ABCA1: variants seen among roughly 807,000 people sequenced by gnomAD.
ABCA1 encodes ATP binding cassette subfamily A member 1.
Under a neutral mutation model 262.5 loss-of-function variants are expected in ABCA1, and 133 were observed. The ratio of observed to expected loss-of-function variants is 0.51; its 90% confidence interval spans 0.44 to 0.59. The LOEUF is 0.59. Ranked by LOEUF, ABCA1 falls within the 20% of genes least tolerant of loss-of-function variation. The pLI, the probability that ABCA1 is intolerant of heterozygous loss-of-function variation, is 0.00. For missense variants in ABCA1, 2,452 were observed against 2,777.5 expected (o/e 0.88, Z 2.63); for synonymous variants, 1,022 against 1,043.5 (o/e 0.98, Z 0.40).
In ABCA1 at chr9:104,798,453, T is replaced by C. The variant is rs756605282; in HGVS notation, c.5089A>G (p.Ile1697Val). ...CAGACAAAATTAGAGAGCCAGTAGA[T>C]GACAGGCTTCACTCCACTGATGAAC... is the stretch of plus-strand genomic sequence containing the variant. ...LQFISGVKPV[I>V]YWLSNFVWDM... Residue 1697 changes from isoleucine (I) to valine (V), a missense_variant, in exon 37 of 50, where the codon ATC becomes GTC. This residue lies in a region of ABCA1 where 752 missense variants were observed against 944.5 expected (regional missense o/e 0.80). Coordinates refer to ENST00000374736, the MANE Select transcript of ABCA1 (RefSeq NM_005502.4). 1.4e-5 allele frequency: 22 copies of C among 1,614,226 alleles called. No homozygotes were observed. Among genetic ancestry groups the C allele is most frequent in the Non-Finnish European group, 1.9e-5 (22 of 1,180,040 alleles).
intron 5 of ABCA1, among the ~76,000 whole-genome samples, chr9:104,875,226 C>T (rs557708933): frequency 1.3e-5 from 2 of 151,250 alleles, no homozygotes; most frequent in South Asian, 4.3e-4. Flanking sequence ...GCCTGTAATC[C>T]CAGCTTCTCA....
At chr9:104,858,173 A>C (rs962564631) in intron 7 of ABCA1, among the ~76,000 whole-genome samples, 2 of 152,094 alleles carry the variant, frequency 1.3e-5, no homozygotes, top group African/African-American at 4.8e-5. Context: ...AATGGTTTCA[A>C]GACTTTTTTT....
chr9:104,883,121 A>G lies in ABCA1; in HGVS notation c.339T>C (p.Leu113=), dbSNP rs1838833893. The G allele has an allele frequency of 6.2e-7, 1 of 1,613,636 alleles. No individual in the cohort carries two copies. Among genetic ancestry groups the G allele is most frequent in the South Asian group, 1.1e-5 (1 of 91,086 alleles). ...TGCTGGTGTCTTTCTGGCTGTATAA[A>G]AGAAGCCTCCGAGCATCTGAGAACA... is the stretch of plus-strand genomic sequence containing the variant. The part of the protein sequence containing the change: ...ARLFSDARRL[L]LYSQKDTSMK... Residue 113 remains leucine (L), a synonymous_variant, in exon 5 of 50, where the codon CTT becomes CTC. Coordinates refer to ENST00000374736, the MANE Select transcript of ABCA1 (RefSeq NM_005502.4).
intron 1 of ABCA1, among the ~76,000 whole-genome samples, chr9:104,906,841 T>A (rs1841182481): frequency 6.6e-6 from 1 of 151,058 alleles, no homozygotes; most frequent in African/African-American, 2.4e-5. Flanking sequence ...TCTGCCCTCA[T>A]ACACATTTCC....
intron 42 of ABCA1, 52 bp downstream of exon 42, chr9:104,792,734 C>T (rs1829534141): frequency 6.2e-7 from 1 of 1,613,430 alleles, no homozygotes; most frequent in Non-Finnish European, 8.5e-7. Flanking sequence ...GGTTACAGCA[C>T]ATAAAGCTGA....
intron 5 of ABCA1, among the ~76,000 whole-genome samples, chr9:104,871,067 G>C (rs1564214959): frequency 6.6e-6 from 1 of 152,214 alleles, no homozygotes; most frequent in Non-Finnish European, 1.5e-5. Context: ...CAGGGGATGC[G>C]ATGGCTTGGC....
chr9:104,807,863 C>G, intron 30 of ABCA1, among the ~76,000 whole-genome samples: 1 of 145,732 alleles, frequency 6.9e-6, no homozygotes, highest in Non-Finnish European at 1.5e-5. Context: ...CACACACACA[C>G]ACACACACAC....
intron 7 of ABCA1, among the ~76,000 whole-genome samples, chr9:104,850,062 T>G (rs1835240790): frequency 6.6e-6 from 1 of 152,222 alleles, no homozygotes; most frequent in South Asian, 2.1e-4. Flanking sequence ...TTTTATTTCT[T>G]AAATAGAACC....
chr9:104,832,637 G>A lies in ABCA1; in HGVS notation c.1446C>T (p.Tyr482=), dbSNP rs760085414. Reference sequence around the variant, plus strand: ...TCTCGTTGAAAGCTTCTCTCCAGGTGTACACAGAACCATTACTGGACTGGA... The same window carrying A: ...TCTCGTTGAAAGCTTCTCTCCAGGTATACACAGAACCATTACTGGACTGGA... ...EDVQSSNGSV[Y]TWREAFNETN... The change falls in exon 12 of 50, where the codon TAC becomes TAT. Residue 482 remains tyrosine (Y), a synonymous_variant. Transcript: ENST00000374736. 2 of 1,614,166 alleles carry A rather than the reference G, an allele frequency of 1.2e-6. No homozygotes were observed. The highest frequency in any genetic ancestry group is 1.7e-6 in the Non-Finnish European group (2 of 1,180,038).
rs1244270937 is a variant in ABCA1 at position 104,837,112 on chromosome 9, G to A, written c.1195-16C>T. 2 of 1,589,194 alleles carry A rather than the reference G, an allele frequency of 1.3e-6. No homozygotes were observed. Among genetic ancestry groups the A allele is most frequent in the Non-Finnish European group, 1.7e-6 (2 of 1,160,334 alleles). On this transcript the variant is annotated splice_polypyrimidine_tract_variant and intron_variant, in intron 10 of 49. Coordinates refer to ENST00000374736, the MANE Select transcript of ABCA1 (RefSeq NM_005502.4). ...TCTTGTTCACCTGGAGTCAGGTGGGGAGCCAGGGACCGCAGAAAAAGGAGG... is the reference window on the plus strand; with the variant it reads ...TCTTGTTCACCTGGAGTCAGGTGGGAAGCCAGGGACCGCAGAAAAAGGAGG...
Position 104,819,976 on chromosome 9 carries a change from A to G in ABCA1, c.3054T>C (p.Asp1018=), listed in dbSNP as rs148278338. The change falls in exon 21 of 50, where the codon GAT becomes GAC. Residue 1018 remains aspartate (D), a synonymous_variant. Transcript: ENST00000374736. ...TCAGCTTGCTTGATGGCAAACCAAC[A>G]TCCAGGGCCATCTGCTCCATCTCCG... ...VKAEMEQMAL[D]VGLPSSKLKS... 53 of 1,614,072 alleles carry G rather than the reference A, an allele frequency of 3.3e-5. No homozygotes were observed. The highest frequency in any genetic ancestry group is 9.3e-6 in the Non-Finnish European group (11 of 1,180,024).
chr9:104,828,879 G>A (rs374623664), intron 15 of ABCA1, 37 bp downstream of exon 15: 7 of 1,607,278 alleles, frequency 4.4e-6, no homozygotes, highest in East Asian at 2.2e-5. Context: ...CTATTTCGGA[G>A]TTTCCTGGCA....
Position 104,816,360 on chromosome 9 carries a change from A to G in ABCA1, c.3536-15T>C. On this transcript the variant is annotated splice_polypyrimidine_tract_variant and intron_variant, in intron 24 of 49. Coordinates refer to ENST00000374736, the MANE Select transcript of ABCA1 (RefSeq NM_005502.4). ...AGCAGAGACATCTGCAGGGACCAGA[A>G]TGCAAAGATGGCTCAATCAACTCAG... 1 of 1,612,376 alleles carries G rather than the reference A, an allele frequency of 6.2e-7. No individual in the cohort carries two copies.
intron 5 of ABCA1, among the ~76,000 whole-genome samples, chr9:104,866,281 A>T (rs1826411461): frequency 1.3e-5 from 2 of 152,262 alleles, no homozygotes; most frequent in African/African-American, 2.4e-5. Flanking sequence ...GTGGCTTTGT[A>T]TCTGCTGGTC....
At position 104,788,003 on chromosome 9, in the gene ABCA1, ATT is replaced by A; in HGVS notation, c.6119_6120del (p.Lys2040IlefsTer4). 1 of 1,614,048 alleles carries A rather than the reference ATT, an allele frequency of 6.2e-7. No individual in the cohort carries two copies. The highest frequency in any genetic ancestry group is 2.2e-5 in the East Asian group (1 of 44,866). ...RKLGLVKYGE[K>X]YAGNYSGGNK... ...TTGCCTCCACTATAGTTACCAGCAT[ATT>A]TTTCTCCATACTTCACGAGGCCCAG... On this transcript the variant is annotated frameshift_variant, in exon 46 of 50. Coordinates refer to ENST00000374736, the MANE Select transcript of ABCA1 (RefSeq NM_005502.4). LOFTEE classifies it high-confidence loss of function.
intron 7 of ABCA1, among the ~76,000 whole-genome samples, chr9:104,849,475 A>G (rs1835191354): frequency 6.6e-6 from 1 of 152,246 alleles, no homozygotes; most frequent in African/African-American, 2.4e-5. Context: ...TGCCATTGTT[A>G]GAATCATTTT....
chr9:104,915,773 T>A (rs898893080), intron 1 of ABCA1, among the ~76,000 whole-genome samples: 2 of 152,188 alleles, frequency 1.3e-5, no homozygotes, highest in South Asian at 4.1e-4. Flanking sequence ...TTCTGTCAAC[T>A]GTAGTTTTGA....
intron 3 of ABCA1, among the ~76,000 whole-genome samples, chr9:104,887,529 G>GA (rs1839287226): frequency 6.6e-6 from 1 of 152,000 alleles, no homozygotes. Context: ...AATCATTCCA[G>GA]AAAATCATTC....
intron 2 of ABCA1, among the ~76,000 whole-genome samples, chr9:104,891,889 T>A (rs761495900): frequency 7.3e-6 from 1 of 137,834 alleles, no homozygotes; most frequent in Non-Finnish European, 1.5e-5. Flanking sequence ...CACTTAAACC[T>A]GGGAAGCGGA....
Sources: allele counts gnomAD v4.1 joint callset (sites outside exome capture counted in the v4.1 genomes callset), GRCh38; gene constraint gnomAD v4.1.1; regional missense constraint gnomAD v4.1.1; transcripts MANE v1.5; gene names NCBI Gene and HGNC (gene_info 2026-07-23, HGNC 2026-07-21).